The following TLR3 variants were observed in gnomAD, a reference collection of about 807,000 sequenced individuals.
The protein encoded by TLR3 is toll-like receptor 3.
Under a neutral mutation model 66.4 loss-of-function variants are expected in TLR3, and 43 were observed. The ratio of observed to expected loss-of-function variants is 0.65; its 90% CI spans 0.51 to 0.83. The LOEUF (loss-of-function observed/expected upper bound fraction) is 0.83, where lower values mean the gene tolerates loss of function less well. Ranked by LOEUF, TLR3 falls within the 40% of genes least tolerant of loss-of-function variation. The probability of loss-of-function intolerance (pLI) is 0.00; values close to 1 mark genes in which losing one functional copy is unlikely to be tolerated. For missense variants in TLR3, 982 were observed against 1,044.6 expected (o/e 0.94, Z 0.83); for synonymous variants, 397 against 397.2 (o/e 1.00, Z 0.01).
In TLR3 at chr4:186,086,384, T is replaced by C. The variant is rs2099304364; in HGVS notation, c.*1511T>C. 1.3e-5 allele frequency: 2 copies of C among 152,222 alleles called. No homozygotes were observed. The highest frequency in any genetic ancestry group is 4.8e-5 in the African/African-American group (2 of 41,468). 9.4% of individuals were successfully genotyped at this position (152,222 alleles called of 1,614,324 possible). A position where few individuals can be genotyped will look rare whatever the true frequency, so the allele number is the denominator to read the frequency against. On this transcript the variant is annotated 3_prime_UTR_variant, in exon 5 of 5. Transcript: ENST00000296795. ...GAGATGTCACATTTTGGAACTTTGA[T>C]TTAAATAGTTCAGTATTCCCAAGGC...
intron 1 of TLR3, among the ~76,000 whole-genome samples, 168 bp from the exon 2 acceptor site, chr4:186,076,445 G>A (rs112232214): frequency 2.0e-4 from 30 of 152,224 alleles, no homozygotes; most frequent in South Asian, 4.2e-4. Flanking sequence ...ACATTTTTCC[G>A]TTTGATGTAT....
At chr4:186,073,203 G>A (rs1215702656) in intron 1 of TLR3, among the ~76,000 whole-genome samples, 2 of 151,996 alleles carry the variant, frequency 1.3e-5, no homozygotes, top group Admixed American at 6.6e-5. Context: ...CAATCCGGTG[G>A]GGGAAAGAAG....
At chr4:186,080,776 G>T (rs1408708962) in intron 3 of TLR3, among the ~76,000 whole-genome samples, 1 of 151,936 alleles carries the variant, frequency 6.6e-6, no homozygotes, top group Non-Finnish European at 1.5e-5. Context: ...ATTTTTAGTA[G>T]AGACAGGATT....
chr4:186,084,933 C>A lies in TLR3; in HGVS notation c.*60C>A. ...TTTCTCAATTTAAAAAGTTCTATGG[C>A]AAATTTAAGTTTTCCATAAAGGTGT... On this transcript the variant is annotated 3_prime_UTR_variant, in exon 5 of 5. Transcript: ENST00000296795. 7.2e-7 allele frequency: 1 copy of A among 1,380,678 alleles called. No individual in the cohort carries two copies. Among genetic ancestry groups the A allele is most frequent in the Non-Finnish European group, 1.0e-6 (1 of 987,244 alleles). 85.5% of individuals were successfully genotyped at this position (1,380,678 alleles called of 1,614,324 possible).
intron 1 of TLR3, among the ~76,000 whole-genome samples, chr4:186,072,518 C>T (rs1326975822): frequency 3.3e-5 from 5 of 152,206 alleles, no homozygotes; most frequent in South Asian, 4.1e-4. Context: ...ACCATGTTGG[C>T]CAGGCTGGTC....
chr4:186,074,042 A>G (rs974009095), intron 1 of TLR3, among the ~76,000 whole-genome samples: 1 of 152,250 alleles, frequency 6.6e-6, no homozygotes, highest in Non-Finnish European at 1.5e-5. Context: ...ATGATTAAAA[A>G]TAATAATAAA....
Position 186,083,307 on chromosome 4 carries a change from A to G in TLR3, c.1621A>G (p.Asn541Asp). 1 of 1,614,132 alleles carries G rather than the reference A, an allele frequency of 6.2e-7. No homozygotes were observed. The change falls in exon 4 of 5, where the codon AAC (asparagine) becomes GAC (aspartate). Residue 541 changes from asparagine to aspartate, a missense_variant. Transcript: ENST00000296795. This position sits in a 1 kb window ranked among gnomAD's most constrained non-coding sequence, Gnocchi z 4.0. The stretch of plus-strand genomic sequence containing the variant: ...AGAAATTCTCGATTTGCAGCATAAC[A>G]ACTTAGCACGGCTCTGGAAACACGC... ...KLEILDLQHN[N>D]LARLWKHANP...
At chr4:186,080,944 C>CA (rs1178208654) in intron 3 of TLR3, among the ~76,000 whole-genome samples, 10 of 150,992 alleles carry the variant, frequency 6.6e-5, no homozygotes, top group Non-Finnish European at 1.3e-4. Flanking sequence ...AGGGCTAATG[C>CA]AAAAAAAGAG....
Position 186,084,647 on chromosome 4 carries a change from T to A in TLR3, c.2489T>A (p.Phe830Tyr). The change falls in exon 5 of 5, where the codon TTC becomes TAC. Residue 830 changes from phenylalanine to tyrosine, a missense_variant and splice_region_variant. Physicochemically the swap from Phe to Tyr is conservative, Grantham distance 22 (BLOSUM62 3). Around this residue, in one of 3 missense-constraint regions of TLR3, gnomAD observed 666 missense variants for 709.0 expected, o/e 0.94. Transcript: ENST00000296795. ...HLLKDPLCKRFKVHHAVQQAI... is the reference protein window; with the variant it reads ...HLLKDPLCKRYKVHHAVQQAI... ...CTTCAATACATTTTTTTACTTAGAT[T>A]CAAGGTACATCATGCAGTTCAACAA... is the stretch of plus-strand genomic sequence containing the variant. The A allele has an allele frequency of 6.2e-7, 1 of 1,604,968 alleles. No homozygotes were observed. Among genetic ancestry groups the A allele is most frequent in the Non-Finnish European group, 8.5e-7 (1 of 1,171,902 alleles).
At position 186,082,654 on chromosome 4, in the gene TLR3, A is replaced by G. The variant is rs768661321; in HGVS notation, c.968A>G (p.Asn323Ser). 2.2e-5 allele frequency: 35 copies of G among 1,613,872 alleles called. No individual in the cohort carries two copies. The highest frequency in any genetic ancestry group is 3.3e-5 in the Admixed American group (2 of 59,994). Residue 323 changes from asparagine (N) to serine (S), a missense_variant, in exon 4 of 5, where the codon AAT becomes AGT. Coordinates refer to ENST00000296795, the MANE Select transcript of TLR3 (RefSeq NM_003265.3). ...LFSHSLHGLF[N>S]VRYLNLKRSF... Reference sequence around the variant, plus strand: ...TCTCACTCTTTGCACGGGCTTTTCAATGTGAGGTACCTGAATTTGAAACGG... The same window carrying G: ...TCTCACTCTTTGCACGGGCTTTTCAGTGTGAGGTACCTGAATTTGAAACGG...
intron 2 of TLR3, among the ~76,000 whole-genome samples, chr4:186,078,277 A>G (rs1409804480): frequency 1.3e-5 from 2 of 152,170 alleles, no homozygotes; most frequent in East Asian, 3.8e-4. Context: ...AACATCCCAC[A>G]GTACTGATAA....
intron 1 of TLR3, 40 bp downstream of exon 1, chr4:186,069,288 G>A (rs933801247): frequency 6.6e-6 from 1 of 152,172 alleles, no homozygotes. Context: ...ACTGGGCAGG[G>A]TCTCTCTTGC....
intron 2 of TLR3, 126 bp downstream of exon 2, chr4:186,077,186 GCCATTATAATA>G: frequency 1.0e-6 from 1 of 992,406 alleles, no homozygotes; most frequent in Non-Finnish European, 1.5e-6. Flanking sequence ...CACAAATATT[GCCATTATAATA>G]GAAAATGCTT....
In TLR3 at chr4:186,084,071, G is replaced by T. The variant is rs548804031; in HGVS notation, c.2385G>T (p.Ala795=). 3.5e-5 allele frequency: 56 copies of T among 1,613,988 alleles called. No homozygotes were observed. The highest frequency in any genetic ancestry group is 4.6e-5 in the Non-Finnish European group (54 of 1,180,046). Residue 795 remains alanine (A), a synonymous_variant, in exon 4 of 5, where the codon GCG becomes GCT. Coordinates refer to ENST00000296795, the MANE Select transcript of TLR3 (RefSeq NM_003265.3). The part of the protein sequence containing the change: ...KFCLEERDFE[A]GVFELEAIVN... ...GTCTGGAAGAAAGGGACTTTGAGGC[G>T]GGTGTTTTTGAACTAGAAGCAATTG...
chr4:186,076,634 G>T lies in TLR3; in HGVS notation c.15G>T (p.Leu5Phe), dbSNP rs764928979. Reference protein sequence around the residue: MRQTLPCIYFWGGLL... With the variant: MRQTFPCIYFWGGLL... ...ACAGCAGAATCATGAGACAGACTTTGCCTTGTATCTACTTTTGGGGGGGCC... is the reference window on the plus strand; with the variant it reads ...ACAGCAGAATCATGAGACAGACTTTTCCTTGTATCTACTTTTGGGGGGGCC... Residue 5 changes from leucine to phenylalanine, a missense_variant, in exon 2 of 5, where the codon TTG becomes TTT. Leu to Phe is a conservative substitution (Grantham distance 22). Transcript: ENST00000296795. The T allele has an allele frequency of 6.2e-7, 1 of 1,614,084 alleles. No individual in the cohort carries two copies. The highest frequency in any genetic ancestry group is 2.2e-5 in the East Asian group (1 of 44,880).
chr4:186,079,206 G>A (rs2099302989), intron 3 of TLR3, among the ~76,000 whole-genome samples, 175 bp downstream of exon 3: 2 of 152,096 alleles, frequency 1.3e-5, no homozygotes, highest in Admixed American at 1.3e-4. Context: ...GCAGCCCCAG[G>A]AGAGGTCGGG....
In TLR3 at chr4:186,083,597, G is replaced by C. The variant is rs574038103; in HGVS notation, c.1911G>C (p.Leu637=). ...TTTTCGGGCCAGCTTTCAGGAACCT[G>C]ACTGAGTTAGATATGCGCTTTAATC... ...KKVFGPAFRN[L]TELDMRFNPF... Residue 637 remains leucine (L), a synonymous_variant, in exon 4 of 5, where the codon CTG becomes CTC. Transcript: ENST00000296795. This position sits in a 1 kb window ranked among gnomAD's most constrained non-coding sequence, Gnocchi z 4.0. 3 of 1,611,462 alleles carry C rather than the reference G, an allele frequency of 1.9e-6. No individual in the cohort carries two copies. Among genetic ancestry groups the C allele is most frequent in the Non-Finnish European group, 2.5e-6 (3 of 1,179,268 alleles).
At chr4:186,078,643 G>A (rs575382018) in intron 2 of TLR3, among the ~76,000 whole-genome samples, 197 bp from the exon 3 acceptor site, 1 of 152,122 alleles carries the variant, frequency 6.6e-6, no homozygotes, top group Non-Finnish European at 1.5e-5. Context: ...GGTTGCAAGG[G>A]TGACCATCAC....
chr4:186,072,772 G>A (rs1340347332), intron 1 of TLR3, among the ~76,000 whole-genome samples: 1 of 152,136 alleles, frequency 6.6e-6, no homozygotes, highest in East Asian at 1.9e-4. Context: ...ACAATTCAAC[G>A]TGTGGTGTGG....
Sources: allele counts gnomAD v4.1 joint callset (sites outside exome capture counted in the v4.1 genomes callset), GRCh38; gene constraint gnomAD v4.1.1; regional missense constraint gnomAD v4.1.1; non-coding constraint Gnocchi (gnomAD v3.1); transcripts MANE v1.5; gene names NCBI Gene and HGNC (gene_info 2026-07-23, HGNC 2026-07-21).